Variants in MAP7 observed in about 807,000 individuals in gnomAD.
MAP7 encodes the protein microtubule associated protein 7.
MAP7 carries 52 observed loss-of-function variants against 94.8 expected under a neutral mutation model. The observed-to-expected ratio is 0.55, with a 90% CI of 0.44 to 0.69. MAP7 has a LOEUF of 0.69. Ranked by LOEUF, MAP7 falls within the 30% of genes least tolerant of loss-of-function variation. MAP7 has a pLI of 0.00. For missense variants in MAP7, 940 were observed against 964.6 expected (o/e 0.97, Z 0.34); for synonymous variants, 350 against 357.0 (o/e 0.98, Z 0.22).
intron 7 of MAP7, 36 bp from the exon 8 acceptor site, chr6:136,372,661 G>A (rs368812450): frequency 2.7e-5 from 44 of 1,613,920 alleles, no homozygotes; most frequent in Non-Finnish European, 3.6e-5. Context: ...TAGGGTGCAG[G>A]TGATTGGTTT....
chr6:136,546,751 T>C (rs1829767016), intron 1 of MAP7, among the ~76,000 whole-genome samples: 1 of 152,230 alleles, frequency 6.6e-6, no homozygotes, highest in Non-Finnish European at 1.5e-5. Flanking sequence ...AGCCTCAATA[T>C]TTTCAATTCT....
chr6:136,449,472 G>A (rs1800439303), intron 1 of MAP7, among the ~76,000 whole-genome samples: 1 of 152,210 alleles, frequency 6.6e-6, no homozygotes, highest in South Asian at 2.1e-4. Flanking sequence ...TAATAAAAAG[G>A]AAAGTGATGC....
At chr6:136,433,142 A>C (rs1471011447) in intron 1 of MAP7, among the ~76,000 whole-genome samples, 1 of 152,236 alleles carries the variant, frequency 6.6e-6, no homozygotes, top group South Asian at 2.1e-4. Context: ...CTGAAAAAAA[A>C]CTATGTATAA....
chr6:136,394,279 G>A (rs111337172), intron 3 of MAP7, among the ~76,000 whole-genome samples: 1,553 of 152,160 alleles, frequency 0.01, 21 homozygotes, highest in East Asian at 0.039. Context: ...CACCGCGCCC[G>A]GCCAGGAAAT....
intron 1 of MAP7, among the ~76,000 whole-genome samples, chr6:136,523,951 A>G (rs952664265): frequency 9.2e-5 from 14 of 152,154 alleles, no homozygotes; most frequent in African/African-American, 3.1e-4. Flanking sequence ...GAAAATTATT[A>G]AGAAGAGGGC....
At chr6:136,447,963 G>C (rs540002553) in intron 1 of MAP7, among the ~76,000 whole-genome samples, 1 of 152,006 alleles carries the variant, frequency 6.6e-6, no homozygotes, top group African/African-American at 2.4e-5. Context: ...AGGCTGAGGC[G>C]GGCAGATCAC....
intron 1 of MAP7, among the ~76,000 whole-genome samples, chr6:136,454,969 A>G (rs1292607700): frequency 1.3e-5 from 2 of 152,106 alleles, no homozygotes; most frequent in East Asian, 3.9e-4. Flanking sequence ...AAATTTGGCC[A>G]AGAGAAGAGA....
At chr6:136,483,860 C>T (rs1813741738) in intron 1 of MAP7, among the ~76,000 whole-genome samples, 1 of 152,078 alleles carries the variant, frequency 6.6e-6, no homozygotes, top group South Asian at 2.1e-4. Flanking sequence ...ATATTTTTAA[C>T]CTTTTTTCAA....
At chr6:136,372,395 C>T (rs552584208) in intron 8 of MAP7, 106 bp downstream of exon 8, 9 of 1,308,526 alleles carry the variant, frequency 6.9e-6, no homozygotes, top group African/African-American at 4.3e-5. Context: ...GTGGATGTCA[C>T]GGTCTCCCCC....
chr6:136,486,036 A>G (rs1211918774), intron 1 of MAP7, among the ~76,000 whole-genome samples: 1 of 151,988 alleles, frequency 6.6e-6, no homozygotes, highest in East Asian at 1.9e-4. Context: ...GTAATAAACC[A>G]TCACAGCCTG....
chr6:136,421,500 G>T (rs1406426872), intron 2 of MAP7, among the ~76,000 whole-genome samples: 1 of 152,194 alleles, frequency 6.6e-6, no homozygotes. Context: ...ACCAAGGCTT[G>T]GCTTTGAGAG....
chr6:136,499,169 C>T (rs1292546131), intron 1 of MAP7, among the ~76,000 whole-genome samples: 2 of 152,136 alleles, frequency 1.3e-5, no homozygotes, highest in Non-Finnish European at 2.9e-5. Flanking sequence ...ATCCGCCTGC[C>T]TTGGCCTCCC....
Position 136,421,772 on chromosome 6 carries a change from T to A in MAP7, c.95A>T (p.Lys32Met). 1 of 1,613,848 alleles carries A rather than the reference T, an allele frequency of 6.2e-7. No homozygotes were observed. The highest frequency in any genetic ancestry group is 1.1e-5 in the South Asian group (1 of 90,956). ...TAPDSYKVQD[K>M]KNASSRPASA... ...GGCAGGGCGGCTGGAGGCATTTTTC[T>A]TATCTTGCACTTTGTAGCTGTCGGG... The change falls in exon 2 of 18, where the codon AAG becomes ATG. Residue 32 changes from lysine to methionine, a missense_variant. By Grantham distance (95) the Lys-to-Met change is moderately conservative. Coordinates refer to ENST00000354570, the MANE Select transcript of MAP7 (RefSeq NM_003980.6).
At chr6:136,473,102 A>G (rs530098186) in intron 1 of MAP7, among the ~76,000 whole-genome samples, 2 of 152,236 alleles carry the variant, frequency 1.3e-5, no homozygotes, top group South Asian at 2.1e-4. Context: ...TGTCTCTTCA[A>G]TCACCTCTGT....
chr6:136,366,638 C>T (rs1794402885), intron 8 of MAP7, among the ~76,000 whole-genome samples, 199 bp from the exon 9 acceptor site: 1 of 152,148 alleles, frequency 6.6e-6, no homozygotes, highest in Non-Finnish European at 1.5e-5. Flanking sequence ...CACAATGTGA[C>T]ACTAATAAGG....
intron 7 of MAP7, among the ~76,000 whole-genome samples, chr6:136,376,735 A>T (rs931161119): frequency 6.6e-6 from 1 of 152,182 alleles, no homozygotes. Context: ...TTTTCATAAG[A>T]AGGTTGTGGG....
At chr6:136,489,204 T>C (rs1815737307) in intron 1 of MAP7, among the ~76,000 whole-genome samples, 1 of 152,098 alleles carries the variant, frequency 6.6e-6, no homozygotes, top group African/African-American at 2.4e-5. Flanking sequence ...TAATTCACCT[T>C]GCCATCTGTT....
chr6:136,389,351 C>T lies in MAP7; in HGVS notation c.408+3G>A, dbSNP rs766287970. On this transcript the variant is annotated splice_donor_region_variant and intron_variant, in intron 4 of 17. Transcript: ENST00000354570. ...CTCATATTCTTCCCGGGGGGCGGCT[C>T]ACTTTGTCCTCCTCAAGTCTCTGCC... 2 of 1,524,534 alleles carry T rather than the reference C, an allele frequency of 1.3e-6. No individual in the cohort carries two copies. The highest frequency in any genetic ancestry group is 1.8e-6 in the Non-Finnish European group (2 of 1,142,122). The allele number at this position is 1,524,534 out of a possible 1,614,324, so 94.4% of individuals were successfully genotyped here. A position where few individuals can be genotyped will look rare whatever the true frequency, so the allele number is the denominator to read the frequency against.
chr6:136,423,373 C>G (rs1462169103), intron 1 of MAP7, among the ~76,000 whole-genome samples: 1 of 152,176 alleles, frequency 6.6e-6, no homozygotes, highest in African/African-American at 2.4e-5. Flanking sequence ...GCCTGGCCCA[C>G]AGCAAGGCAC....
Sources: gnomAD v4.1 joint callset for allele counts (sites outside exome capture counted in the v4.1 genomes callset) on GRCh38, gnomAD v4.1.1 for gene constraint, MANE v1.5 for transcripts, NCBI Gene and HGNC (gene_info 2026-07-23, HGNC 2026-07-21) for gene names.